NDOR1: variants seen among roughly 807,000 people sequenced by gnomAD.
NDOR1 encodes NADPH dependent diflavin oxidoreductase 1, also known as NADPH-dependent diflavin oxidoreductase 1.
NDOR1 carries 61 observed loss-of-function variants against 67.2 expected under a neutral mutation model. The observed-to-expected ratio is 0.91, with a 90% CI of 0.74 to 1.12. NDOR1 has a LOEUF of 1.12. NDOR1 is among the 50% of genes most tolerant of loss of function. NDOR1 has a pLI of 0.00. For missense variants in NDOR1, 878 were observed against 802.8 expected, an observed-to-expected ratio of 1.09 and a Z score of -1.13; for synonymous variants, 378 against 343.7, an observed-to-expected ratio of 1.10 and a Z score of -1.10.
rs568169873 is a variant in NDOR1, at chr9:137,212,900, G to A, written c.311+301G>A. The A allele has an allele frequency of 7.2e-5, 28 of 390,980 alleles. No individual in the cohort carries two copies. The highest frequency in any genetic ancestry group is 3.0e-4 in the South Asian group (10 of 32,958). The allele number at this position is 390,980 out of a possible 1,614,324, so 24.2% of individuals were successfully genotyped here. On this transcript the variant is annotated intron_variant, in intron 3 of 13. Coordinates refer to ENST00000684003, the MANE Select transcript of NDOR1 (RefSeq NM_014434.4). The surrounding 1 kb of genome is among the most constrained non-coding windows in gnomAD (Gnocchi z 4.3). ...AAAAGGCGTGCTGTGAAGTGTTGAC[G>A]ACTTTGAGCCTGGAGGAGGACCCCG...
chr9:137,216,458 G>A lies in NDOR1; in HGVS notation c.*42G>A. The A allele has an allele frequency of 1.3e-6, 2 of 1,575,068 alleles. No homozygotes were observed. The highest frequency in any genetic ancestry group is 1.7e-6 in the Non-Finnish European group (2 of 1,163,990). ...TGCCCCCTCTGACAGCCATCCTCCT[G>A]GGAGCCCAGGAAGGCATCCACGAGG... On this transcript the variant is annotated 3_prime_UTR_variant, in exon 14 of 14. Transcript: ENST00000684003.
chr9:137,213,706 C>G, intron 3 of NDOR1, 74 bp from the exon 4 acceptor site: 3 of 1,458,870 alleles, frequency 2.1e-6, no homozygotes, highest in Non-Finnish European at 2.8e-6. Context: ...GCTCCACTCT[C>G]CCGGGTTCCA....
At chr9:137,206,069 T>A (rs1276590909) in intron 1 of NDOR1, among the ~76,000 whole-genome samples, 157 bp downstream of exon 1, 1 of 152,244 alleles carries the variant, frequency 6.6e-6, no homozygotes, top group Admixed American at 6.5e-5. Flanking sequence ...GAGTTCAGTT[T>A]AGCACCTGGA....
In NDOR1 at chr9:137,212,162, A is replaced by AC. The variant is rs1408941301; in HGVS notation, c.214-338dup. On this transcript the variant is annotated intron_variant, in intron 2 of 13. Coordinates refer to ENST00000684003, the MANE Select transcript of NDOR1 (RefSeq NM_014434.4). This position sits in a 1 kb window ranked among gnomAD's most constrained non-coding sequence, Gnocchi z 4.3. ...CCCTGGGGCGGTGGACAGTTTGGAGACCAAGTGCAGAGCTGCTCCTGGCAG... is the reference window on the plus strand; with the variant it reads ...CCCTGGGGCGGTGGACAGTTTGGAGACCCAAGTGCAGAGCTGCTCCTGGCAG... Among the ~76,000 whole-genome samples, 2 of 151,914 alleles carry AC rather than the reference A, an allele frequency of 1.3e-5. No individual in the cohort carries two copies. The highest frequency in any genetic ancestry group is 1.9e-4 in the East Asian group (1 of 5,160).
rs777231921 is a variant in NDOR1, at chr9:137,213,743, G to A, written c.312-37G>A. ...TCTGCCTGGGCACCACTCTCCGCCC[G>A]GGCTCCAGCCCAGGACCAGCCTCAC... On this transcript the variant is annotated intron_variant, in intron 3 of 13. Coordinates refer to ENST00000684003, the MANE Select transcript of NDOR1 (RefSeq NM_014434.4). The A allele has an allele frequency of 5.2e-5, 83 of 1,597,166 alleles. 1 individual carries two copies. The South Asian group carries it at 6.6e-4, about 13-fold the overall frequency.
At chr9:137,206,015 G>A in intron 1 of NDOR1, 103 bp downstream of exon 1, 2 of 1,489,232 alleles carry the variant, frequency 1.3e-6, no homozygotes, top group South Asian at 1.3e-5. Context: ...CTGAGAGCGG[G>A]TCTTTCCCTT....
chr9:137,208,661 A>G (rs1197729723), intron 2 of NDOR1, among the ~76,000 whole-genome samples: 1 of 151,900 alleles, frequency 6.6e-6, no homozygotes, highest in African/African-American at 2.4e-5. Flanking sequence ...GCATCATGAG[A>G]CAGAAAATTC....
At chr9:137,207,948 G>A (rs978113613) in intron 2 of NDOR1, among the ~76,000 whole-genome samples, 2 of 147,208 alleles carry the variant, frequency 1.4e-5, no homozygotes, top group African/African-American at 5.0e-5. Flanking sequence ...TTCGAGACCA[G>A]CCTGGCCAAC....
chr9:137,213,643 G>T (rs1835368047), intron 3 of NDOR1, 137 bp from the exon 4 acceptor site: 2 of 849,092 alleles, frequency 2.4e-6, no homozygotes. Context: ...GGCCAGCGTG[G>T]AGTGTGTTTT....
intron 2 of NDOR1, among the ~76,000 whole-genome samples, chr9:137,209,029 GCCA>G (rs1013673475): frequency 5.3e-5 from 8 of 151,888 alleles, no homozygotes; most frequent in Non-Finnish European, 1.2e-4. Flanking sequence ...TACAGGCGCC[GCCA>G]CCACGCCCAG....
chr9:137,215,962 A>G lies in NDOR1; in HGVS notation c.1499A>G (p.Gln500Arg). Reference protein sequence around the residue: ...DQDFYWEAEWQELEKRDCLTL... With the variant: ...DQDFYWEAEWRELEKRDCLTL... ...GACTTCTACTGGGAGGCTGAGTGGC[A>G]GGAGCTGGAGAAGCGGGACTGTCTG... Residue 500 changes from glutamine to arginine, a missense_variant, in exon 12 of 14, where the codon CAG (glutamine) becomes CGG (arginine). Transcript: ENST00000684003. The G allele has an allele frequency of 6.2e-7, 1 of 1,613,442 alleles. No homozygotes were observed. Among genetic ancestry groups the G allele is most frequent in the African/African-American group, 1.3e-5 (1 of 75,066 alleles).
In NDOR1 at chr9:137,212,585, CT is replaced by C; in HGVS notation, c.298del (p.Ser100ProfsTer95). ...ACTTTGCCGTCCTGGGCCTCGGGGACTCCTCATACGCCAAGTGAGTAGGGGA... is the reference window on the plus strand; with the variant it reads ...ACTTTGCCGTCCTGGGCCTCGGGGACCCTCATACGCCAAGTGAGTAGGGGA... Reference protein sequence around the residue: ...MDFAVLGLGDSSYAKFNFVAK... With the variant: ...MDFAVLGLGDXSYAKFNFVAK... On this transcript the variant is annotated frameshift_variant, in exon 3 of 14. Transcript: ENST00000684003. LOFTEE classifies it high-confidence loss of function. This position sits in a 1 kb window ranked among gnomAD's most constrained non-coding sequence, Gnocchi z 4.3. 1 of 1,613,858 alleles carries C rather than the reference CT, an allele frequency of 6.2e-7. No individual in the cohort carries two copies. The highest frequency in any genetic ancestry group is 1.1e-5 in the South Asian group (1 of 91,074).
At chr9:137,209,109 C>T (rs975772405) in intron 2 of NDOR1, among the ~76,000 whole-genome samples, 1 of 152,098 alleles carries the variant, frequency 6.6e-6, no homozygotes, top group African/African-American at 2.4e-5. Context: ...TCTCAATCTC[C>T]TGACCTCGTG....
intron 1 of NDOR1, 33 bp downstream of exon 1, chr9:137,205,945 C>T (rs1834940823): frequency 6.4e-7 from 1 of 1,554,900 alleles, no homozygotes; most frequent in Non-Finnish European, 8.7e-7. Context: ...GCGTGGGGGA[C>T]GAGCAGGCCT....
In NDOR1 at chr9:137,213,926, A is replaced by G. The variant is rs1436231727; in HGVS notation, c.411-41A>G. 2.5e-6 allele frequency: 4 copies of G among 1,588,298 alleles called. No individual in the cohort carries two copies. In the South Asian group the frequency reaches 4.5e-5, roughly 18 times the overall value. On this transcript the variant is annotated intron_variant, in intron 4 of 13. Transcript: ENST00000684003. Reference sequence around the variant, plus strand: ...CGCCTCCACAGTCTGGTCTGGCCACACGCAGGGTCCGCTCAGGCCAGCGCA... The same window carrying G: ...CGCCTCCACAGTCTGGTCTGGCCACGCGCAGGGTCCGCTCAGGCCAGCGCA...
At position 137,214,192 on chromosome 9, in the gene NDOR1, G is replaced by T; in HGVS notation, c.513-12G>T. On this transcript the variant is annotated splice_polypyrimidine_tract_variant and intron_variant, in intron 5 of 13. Coordinates refer to ENST00000684003, the MANE Select transcript of NDOR1 (RefSeq NM_014434.4). The stretch of plus-strand genomic sequence containing the variant: ...GAGTGGGTCCTGGTCTGACCAGCGT[G>T]CCCTCCCACAGCCTGCCCTCCAAGT... The T allele has an allele frequency of 6.2e-7, 1 of 1,605,890 alleles. No individual in the cohort carries two copies.
At position 137,218,948 on chromosome 9, in the gene NDOR1, G is replaced by C. The variant is rs1254450242; in HGVS notation, c.*2532G>C. ...ACGGGCACCGTACTGGCCACGGGCTGACGCCGGCCACACTTCCCCTCCGAG... is the reference window on the plus strand; with the variant it reads ...ACGGGCACCGTACTGGCCACGGGCTCACGCCGGCCACACTTCCCCTCCGAG... On this transcript the variant is annotated 3_prime_UTR_variant, in exon 14 of 14. Transcript: ENST00000684003. 3.8e-6 allele frequency: 1 copy of C among 264,744 alleles called. No homozygotes were observed. Among genetic ancestry groups the C allele is most frequent in the East Asian group, 6.6e-5 (1 of 15,182 alleles). The allele number at this position is 264,744 out of a possible 1,614,324, so 16.4% of individuals were successfully genotyped here. A position where few individuals can be genotyped will look rare whatever the true frequency, so the allele number is the denominator to read the frequency against.
Position 137,216,316 on chromosome 9 carries a change from C to T in NDOR1, c.1694C>T (p.Ser565Phe), listed in dbSNP as rs1835599284. 6.2e-7 allele frequency: 1 copy of T among 1,612,086 alleles called. No individual in the cohort carries two copies. Among genetic ancestry groups the T allele is most frequent in the Non-Finnish European group, 8.5e-7 (1 of 1,180,010 alleles). ...GCGGACGTCTCGGAAGCCCTGATGT[C>T]CATCTTCCAGGAGGAGGGTGGACTC... ...MPADVSEALM[S>F]IFQEEGGLCS... is the part of the protein sequence containing the mutation. The change falls in exon 14 of 14, where the codon TCC becomes TTC. Residue 565 changes from serine to phenylalanine, a missense_variant. Physicochemically the swap from Ser to Phe is radical, Grantham distance 155. Coordinates refer to ENST00000684003, the MANE Select transcript of NDOR1 (RefSeq NM_014434.4).
rs747930340 is a variant in NDOR1, at chr9:137,213,865, C to G, written c.397C>G (p.Gln133Glu). 6.2e-7 allele frequency: 1 copy of G among 1,610,812 alleles called. No homozygotes were observed. The highest frequency in any genetic ancestry group is 8.5e-7 in the Non-Finnish European group (1 of 1,179,082). Reference protein sequence around the residue: ...ALLPVCLGDDQHELGPDAAVD... With the variant: ...ALLPVCLGDDEHELGPDAAVD... Reference sequence around the variant, plus strand: ...CCTGCCCGTGTGCCTGGGCGATGACCAGCATGAGCTGGGGTGAGTCTGCGG... The same window carrying G: ...CCTGCCCGTGTGCCTGGGCGATGACGAGCATGAGCTGGGGTGAGTCTGCGG... Residue 133 changes from glutamine (Q) to glutamate (E), a missense_variant, in exon 4 of 14, where the codon CAG (glutamine) becomes GAG (glutamate). By Grantham distance (29) the Gln-to-Glu change is conservative (BLOSUM62 2). Transcript: ENST00000684003.
Sources: gnomAD v4.1 joint callset for allele counts (sites outside exome capture counted in the v4.1 genomes callset) on GRCh38, gnomAD v4.1.1 for gene constraint, Gnocchi (gnomAD v3.1) non-coding constraint, MANE v1.5 for transcripts, NCBI Gene and HGNC (gene_info 2026-07-23, HGNC 2026-07-21) for gene names.